The following OR51E1 variants were observed in gnomAD, a reference collection of about 807,000 sequenced individuals.
The protein encoded by OR51E1 is olfactory receptor 51E1.
A neutral mutation model predicts 11.5 loss-of-function variants in OR51E1; 9 were observed. The ratio of observed to expected loss-of-function variants is 0.78; its 90% CI spans 0.47 to 1.37. The LOEUF (loss-of-function observed/expected upper bound fraction) is 1.37. Among genes scored for constraint, OR51E1 ranks in the 40% most tolerant of loss-of-function variants. OR51E1 has a pLI of 0.00. For missense variants in OR51E1, 397 were observed against 410.2 expected (o/e 0.97, Z 0.28); for synonymous variants, 168 against 158.3 (o/e 1.06, Z -0.46).
At position 4,652,792 on chromosome 11, in the gene OR51E1, G is replaced by A. The variant is rs777401093; in HGVS notation, c.266G>A (p.Trp89Ter). The change falls in exon 2 of 2, where the codon TGG (tryptophan) becomes TAG (stop). Residue 89 changes from tryptophan to a stop codon, truncating the protein, a stop_gained. Transcript: ENST00000396952. LOFTEE classifies it high-confidence loss of function. ...ATGCCCAAAATGCTGGCCATCTTCT[G>A]GTTCAATTCCACTACCATCCAGTTT... ...SSMPKMLAIF[W>*]FNSTTIQFDA... 6 of 1,614,116 alleles carry A rather than the reference G, an allele frequency of 3.7e-6. No individual in the cohort carries two copies. Among genetic ancestry groups the A allele is most frequent in the Middle Eastern group, 1.6e-4 (1 of 6,062 alleles).
intron 1 of OR51E1, among the ~76,000 whole-genome samples, chr11:4,645,347 C>T (rs946719207): frequency 1.8e-4 from 27 of 152,192 alleles, no homozygotes; most frequent in Non-Finnish European, 3.4e-4. Context: ...CAGCAGGTCC[C>T]GCCACTGCCA....
At position 4,653,320 on chromosome 11, in the gene OR51E1, G is replaced by C. The variant is rs770612052; in HGVS notation, c.794G>C (p.Arg265Pro). ...VPFIGLSMVH[R>P]FSKRRDSPLP... ...TTCATTGGATTGTCCATGGTGCATC[G>C]CTTTAGCAAGCGGCGTGACTCTCCG... Residue 265 changes from arginine (R) to proline (P), a missense_variant, in exon 2 of 2, where the codon CGC becomes CCC. Coordinates refer to ENST00000396952, the MANE Select transcript of OR51E1 (RefSeq NM_152430.4). The C allele has an allele frequency of 6.2e-7, 1 of 1,614,032 alleles. No homozygotes were observed.
intron 1 of OR51E1, among the ~76,000 whole-genome samples, chr11:4,645,229 A>G (rs1847014225): frequency 2.6e-5 from 4 of 152,054 alleles, no homozygotes; most frequent in Non-Finnish European, 5.9e-5. Context: ...TGATTTATCT[A>G]CTGTTTCATC....
intron 1 of OR51E1, among the ~76,000 whole-genome samples, chr11:4,649,095 C>T (rs1163815197): frequency 1.3e-5 from 2 of 152,114 alleles, no homozygotes; most frequent in Non-Finnish European, 2.9e-5. Flanking sequence ...TCATTTTCAT[C>T]TTCCAAAACA....
intron 1 of OR51E1, among the ~76,000 whole-genome samples, chr11:4,646,445 G>A (rs1302310390): frequency 6.6e-6 from 1 of 152,214 alleles, no homozygotes; most frequent in East Asian, 1.9e-4. Flanking sequence ...ATGGGGAGGG[G>A]TAGGGCAGTA....
At chr11:4,651,498 C>T (rs1296920342) in intron 1 of OR51E1, among the ~76,000 whole-genome samples, 2 of 152,228 alleles carry the variant, frequency 1.3e-5, no homozygotes, top group Non-Finnish European at 2.9e-5. Context: ...CAATGGGGCT[C>T]ACCTTTGGTA....
At chr11:4,650,228 A>G (rs1847077552) in intron 1 of OR51E1, among the ~76,000 whole-genome samples, 2 of 152,328 alleles carry the variant, frequency 1.3e-5, no homozygotes, top group Admixed American at 6.5e-5. Context: ...TGGCCCAGGA[A>G]GAGAATATAG....
rs989851189 is a variant in OR51E1, at chr11:4,653,631, C to T, written c.*148C>T. On this transcript the variant is annotated 3_prime_UTR_variant, in exon 2 of 2. Coordinates refer to ENST00000396952, the MANE Select transcript of OR51E1 (RefSeq NM_152430.4). ...AATATGAAACTGGTTGGGGAATCTC[C>T]ATTTTTTCAATATTATTTTCTTCTT... is the stretch of plus-strand genomic sequence containing the variant. 4 of 560,660 alleles carry T rather than the reference C, an allele frequency of 7.1e-6. No homozygotes were observed. The highest frequency in any genetic ancestry group is 1.3e-5 in the Non-Finnish European group (4 of 311,260). 34.7% of individuals were successfully genotyped at this position (560,660 alleles called of 1,614,324 possible).
At chr11:4,644,214 GA>G (rs5789335) in intron 1 of OR51E1, among the ~76,000 whole-genome samples, 184 bp downstream of exon 1, 132,772 of 152,116 alleles carry the variant, frequency 0.87, 58,850 homozygotes, top group Non-Finnish European at 0.94. Flanking sequence ...GTGCTGAACA[GA>G]AAGCATGTGG....
chr11:4,647,968 G>A (rs2133224620), intron 1 of OR51E1, among the ~76,000 whole-genome samples: 1 of 152,278 alleles, frequency 6.6e-6, no homozygotes, highest in South Asian at 2.1e-4. Context: ...AGCTGCTCAA[G>A]CTGGAAGGCC....
Position 4,652,506 on chromosome 11 carries a change from T to G in OR51E1, c.-21T>G. The G allele has an allele frequency of 6.5e-7, 1 of 1,550,272 alleles. No individual in the cohort carries two copies. The highest frequency in any genetic ancestry group is 8.9e-7 in the Non-Finnish European group (1 of 1,125,816). ...ATTCCAGCCTCTACCTGCCTGGTGC[T>G]GGTCACAGTTCAGCTTCTTCATGAT... On this transcript the variant is annotated 5_prime_UTR_variant, in exon 2 of 2. Coordinates refer to ENST00000396952, the MANE Select transcript of OR51E1 (RefSeq NM_152430.4).
intron 1 of OR51E1, among the ~76,000 whole-genome samples, chr11:4,644,317 G>A (rs1485282088): frequency 1.3e-5 from 2 of 152,154 alleles, no homozygotes; most frequent in Non-Finnish European, 2.9e-5. Flanking sequence ...GGGCTGATGT[G>A]AATGAGGACA....
chr11:4,650,756 A>G (rs1847084754), intron 1 of OR51E1, among the ~76,000 whole-genome samples: 1 of 152,236 alleles, frequency 6.6e-6, no homozygotes, highest in Admixed American at 6.5e-5. Flanking sequence ...AAAAACTACA[A>G]TACACATGAT....
In OR51E1 at chr11:4,653,105, T is replaced by C; in HGVS notation, c.579T>C (p.Asp193=). ...AAGATGTCATGAAGCTGGCCTGTGA[T>C]GATATCCGGGTCAATGTCGTCTATG... ...LHQDVMKLAC[D]DIRVNVVYGL... The change falls in exon 2 of 2, where the codon GAT becomes GAC. Residue 193 remains aspartate, a synonymous_variant. Transcript: ENST00000396952. 1 of 1,614,020 alleles carries C rather than the reference T, an allele frequency of 6.2e-7. No homozygotes were observed. Among genetic ancestry groups the C allele is most frequent in the Non-Finnish European group, 8.5e-7 (1 of 1,179,880 alleles).
At position 4,644,035 on chromosome 11, in the gene OR51E1, G is replaced by C. The variant is rs1383749026; in HGVS notation, c.-40+5G>C. ...CATTCCTTCCATACGGTTGAGGTGA[G>C]TGCAGGAGGCCAGGGGCATGTCCAG... On this transcript the variant is annotated splice_donor_5th_base_variant and intron_variant, in intron 1 of 1. Coordinates refer to ENST00000396952, the MANE Select transcript of OR51E1 (RefSeq NM_152430.4). The C allele has an allele frequency of 6.5e-6, 1 of 153,094 alleles. No individual in the cohort carries two copies. The highest frequency in any genetic ancestry group is 1.5e-5 in the Non-Finnish European group (1 of 68,314). 9.5% of individuals were successfully genotyped at this position (153,094 alleles called of 1,614,324 possible). A position where few individuals can be genotyped will look rare whatever the true frequency, so the allele number is the denominator to read the frequency against.
At chr11:4,648,089 C>T (rs1447387388) in intron 1 of OR51E1, among the ~76,000 whole-genome samples, 3 of 152,134 alleles carry the variant, frequency 2.0e-5, no homozygotes, top group Admixed American at 1.3e-4. Context: ...CTGGCTGGCT[C>T]CTTCTCCATC....
rs1481690385 is a variant in OR51E1 at position 4,653,241 on chromosome 11, G to A, written c.715G>A (p.Ala239Thr). 3 of 1,613,696 alleles carry A rather than the reference G, an allele frequency of 1.9e-6. No homozygotes were observed. Among genetic ancestry groups the A allele is most frequent in the Non-Finnish European group, 2.5e-6 (3 of 1,179,624 alleles). ...CTTGACACGTGAAGCCCAGGCCAAG[G>A]CATTTGGCACTTGCGTCTCTCATGT... is the stretch of plus-strand genomic sequence containing the variant. ...LGLTREAQAKAFGTCVSHVCA... is the reference protein window; with the variant it reads ...LGLTREAQAKTFGTCVSHVCA... Residue 239 changes from alanine (A) to threonine (T), a missense_variant, in exon 2 of 2, where the codon GCA (alanine) becomes ACA (threonine). Ala to Thr is a moderately conservative substitution (Grantham distance 58). Transcript: ENST00000396952.
chr11:4,655,366 A>G lies in OR51E1; in HGVS notation c.*1883A>G, dbSNP rs1481460572. 1 of 167,098 alleles carries G rather than the reference A, an allele frequency of 6.0e-6. No individual in the cohort carries two copies. Among genetic ancestry groups the G allele is most frequent in the East Asian group, 1.9e-4 (1 of 5,204 alleles). The allele number at this position is 167,098 out of a possible 1,614,324, so 10.4% of individuals were successfully genotyped here. A position where few individuals can be genotyped will look rare whatever the true frequency, so the allele number is the denominator to read the frequency against. On this transcript the variant is annotated 3_prime_UTR_variant, in exon 2 of 2. Transcript: ENST00000396952. ...GTGTTACACAGAGTAAATCACCAGA[A>G]GCCTGGATTTCTGAAAAAACTGTGC...
At position 4,653,007 on chromosome 11, in the gene OR51E1, C is replaced by T. The variant is rs137885627; in HGVS notation, c.481C>T (p.Pro161Ser). 6.2e-7 allele frequency: 1 copy of T among 1,605,886 alleles called. No individual in the cohort carries two copies. The highest frequency in any genetic ancestry group is 2.2e-5 in the East Asian group (1 of 44,816). Residue 161 changes from proline (P) to serine (S), a missense_variant, in exon 2 of 2, where the codon CCC becomes TCC. By Grantham distance (74) the Pro-to-Ser change is moderately conservative. Transcript: ENST00000396952. ...AVVRGAALMA[P>S]LPVFIKQLPF... The stretch of plus-strand genomic sequence containing the variant: ...GGTGCGGGGGGCTGCACTGATGGCA[C>T]CCCTTCCTGTCTTCATCAAGCAGCT...
Sources: gnomAD v4.1 joint callset for allele counts (sites outside exome capture counted in the v4.1 genomes callset) on GRCh38, gnomAD v4.1.1 for gene constraint, MANE v1.5 for transcripts, NCBI Gene and HGNC (gene_info 2026-07-23, HGNC 2026-07-21) for gene names.